The following UBXN11 variants were observed in gnomAD, a reference collection of about 807,000 sequenced individuals.
UBXN11 encodes the protein UBX domain protein 11, also known as UBX domain-containing protein 11.
In UBXN11, 47 loss-of-function variants were observed where a neutral mutation model predicts 62.8. The observed-to-expected ratio is 0.75, with a 90% CI of 0.59 to 0.95. The LOEUF (loss-of-function observed/expected upper bound fraction) is 0.95. Ranked by LOEUF, UBXN11 falls within the 40% of genes least tolerant of loss-of-function variation. UBXN11 has a pLI of 0.00. For missense variants in UBXN11, 638 were observed against 661.7 expected (o/e 0.96, Z 0.39); for synonymous variants, 294 against 267.0 (o/e 1.10, Z -0.99).
rs764029313 is a variant in UBXN11, at chr1:26,282,305, G to T, written c.1557C>A (p.Pro519=). ...PSPCPGPSPS[P]Q ...GGTTGAGGGGGCGGGTGCTTTATTG[G>T]GGGCTGGGACTGGGTCCAGGACAGG... is the stretch of plus-strand genomic sequence containing the variant. Residue 519 remains proline, a synonymous_variant, in exon 15 of 15, where the codon CCC becomes CCA. Transcript: ENST00000374222. 1 of 1,483,356 alleles carries T rather than the reference G, an allele frequency of 6.7e-7. No homozygotes were observed. The highest frequency in any genetic ancestry group is 8.9e-7 in the Non-Finnish European group (1 of 1,118,916). 91.9% of individuals were successfully genotyped at this position (1,483,356 alleles called of 1,614,324 possible).
At chr1:26,310,872 G>A (rs1320594891), upstream of UBXN11, among the ~76,000 whole-genome samples, 1 of 151,488 alleles carries the variant, frequency 6.6e-6, no homozygotes, top group Non-Finnish European at 1.5e-5. Flanking sequence ...AGGTCTCCAG[G>A]CTCACAAGAC....
chr1:26,312,424 G>A (rs2073752538), intron 1 of UBXN11, among the ~76,000 whole-genome samples: 1 of 151,782 alleles, frequency 6.6e-6, no homozygotes, highest in South Asian at 2.1e-4. Context: ...CTAATTTTTT[G>A]TATTTTCAGT....
chr1:26,309,134 G>A (rs986159256), upstream of UBXN11, among the ~76,000 whole-genome samples: 2 of 151,608 alleles, frequency 1.3e-5, no homozygotes, highest in Non-Finnish European at 2.9e-5. Flanking sequence ...GGGGTTTCAC[G>A]ATGTTGGCCA....
In UBXN11 at chr1:26,282,945, G is replaced by A; in HGVS notation, c.1078-8C>T. ...AGGCAATGGGCAGCAGTTCTGGAAG[G>A]TATCAGTGGAGGGTGGACAGAGCCC... is the stretch of plus-strand genomic sequence containing the variant. On this transcript the variant is annotated splice_polypyrimidine_tract_variant and splice_region_variant and intron_variant, in intron 12 of 14. Transcript: ENST00000374222. 1.9e-6 allele frequency: 3 copies of A among 1,614,174 alleles called. No homozygotes were observed. Among genetic ancestry groups the A allele is most frequent in the Non-Finnish European group, 2.5e-6 (3 of 1,180,020 alleles).
intron 9 of UBXN11, 34 bp downstream of exon 9, chr1:26,285,789 A>T: frequency 6.4e-7 from 1 of 1,565,678 alleles, no homozygotes; most frequent in Non-Finnish European, 8.7e-7. Flanking sequence ...CAGCAGGGGC[A>T]CTAGAGCACC....
chr1:26,301,851 AG>A, intron 2 of UBXN11, 129 bp from the exon 3 acceptor site: 4 of 1,265,646 alleles, frequency 3.2e-6, no homozygotes, highest in Non-Finnish European at 4.4e-6. Context: ...CTAACTCCTG[AG>A]GACTTCCAGC....
At chr1:26,313,086 G>A (rs1414654174) in intron 1 of UBXN11, among the ~76,000 whole-genome samples, 1 of 151,484 alleles carries the variant, frequency 6.6e-6, no homozygotes, top group Non-Finnish European at 1.5e-5. Flanking sequence ...CACCTTGGAT[G>A]CTGTATGATG....
At chr1:26,293,319 T>G (rs906443796) in intron 8 of UBXN11, among the ~76,000 whole-genome samples, 1 of 152,176 alleles carries the variant, frequency 6.6e-6, no homozygotes, top group African/African-American at 2.4e-5. Context: ...ACAATCTCCA[T>G]TCTTTGAAGA....
chr1:26,297,603 G>A (rs1570115715), intron 5 of UBXN11, 122 bp from the exon 6 acceptor site: 1 of 1,212,744 alleles, frequency 8.2e-7, no homozygotes, highest in East Asian at 2.6e-5. Flanking sequence ...GCCACCCTTT[G>A]GCACAGCCAC....
intron 1 of UBXN11, chr1:26,317,938 C>A: frequency 7.6e-7 from 1 of 1,307,844 alleles, no homozygotes; most frequent in Non-Finnish European, 1.1e-6. Flanking sequence ...TCAAAAGCAG[C>A]TAAACCAAAA....
chr1:26,286,187 A>C, intron 8 of UBXN11, 150 bp from the exon 9 acceptor site: 1 of 623,186 alleles, frequency 1.6e-6, no homozygotes, highest in Non-Finnish European at 2.6e-6. Flanking sequence ...AGATAATAAC[A>C]GCAGCTGTCT....
Position 26,282,399 on chromosome 1 carries a change from C to A in UBXN11, c.1463G>T (p.Gly488Val). ...ACCGGGACTGGGGCCGGGACCGGGA[C>A]CGGGACAGGGACCAGGACTGAATTT... ...SLKFSPGPCP[G>V]PGPGPSPGPG... Residue 488 changes from glycine to valine, a missense_variant, in exon 15 of 15, where the codon GGT becomes GTT. Physicochemically the swap from Gly to Val is moderately radical, Grantham distance 109. Transcript: ENST00000374222. 1 of 1,262,522 alleles carries A rather than the reference C, an allele frequency of 7.9e-7. No individual in the cohort carries two copies. Among genetic ancestry groups the A allele is most frequent in the Non-Finnish European group, 1.0e-6 (1 of 952,860 alleles). The allele number at this position is 1,262,522 out of a possible 1,614,324, so 78.2% of individuals were successfully genotyped here.
chr1:26,302,964 C>T (rs2073576471), intron 1 of UBXN11, 46 bp from the exon 2 acceptor site: 1 of 1,408,784 alleles, frequency 7.1e-7, no homozygotes, highest in Admixed American at 1.9e-5. Flanking sequence ...ACTCAGGGCT[C>T]CAAGCCCAGG....
At chr1:26,285,662 CAG>C in intron 9 of UBXN11, 121 bp from the exon 10 acceptor site, 1 of 1,362,890 alleles carries the variant, frequency 7.3e-7, no homozygotes, top group Non-Finnish European at 9.9e-7. Context: ...TGGAAACATT[CAG>C]AGTCCCAGGC....
At chr1:26,306,156 C>T (rs1208315375) in intron 1 of UBXN11, 1 of 152,300 alleles carries the variant, frequency 6.6e-6, no homozygotes, top group African/African-American at 2.4e-5. Flanking sequence ...AAGGGCAGGA[C>T]TGTGACTACC....
At chr1:26,286,076 C>T (rs1193328928) in intron 8 of UBXN11, 39 bp from the exon 9 acceptor site, 29 of 1,547,798 alleles carry the variant, frequency 1.9e-5, no homozygotes, top group Admixed American at 3.7e-5. Context: ...CGCCTTTTGG[C>T]TGTCATGTCC....
exon 1 of UBXN11, chr1:26,318,089 C>G (rs777040113): frequency 1.2e-5 from 19 of 1,611,756 alleles, no homozygotes; most frequent in Non-Finnish European, 1.5e-5. Context: ...CAACGCCTGG[C>G]ACCACTGCCA....
chr1:26,299,411 C>T (rs1385193910), intron 4 of UBXN11, among the ~76,000 whole-genome samples: 1 of 150,504 alleles, frequency 6.6e-6, no homozygotes, highest in African/African-American at 2.4e-5. Context: ...ACTTGAGAGG[C>T]TGAAGTGGGA....
At chr1:26,301,192 T>G in intron 3 of UBXN11, 168 bp from the exon 4 acceptor site, 2 of 1,350,962 alleles carry the variant, frequency 1.5e-6, no homozygotes, top group Non-Finnish European at 2.0e-6. Context: ...TGGGGCTGTT[T>G]TGGAGTTCTT....
Sources: allele counts gnomAD v4.1 joint callset (sites outside exome capture counted in the v4.1 genomes callset), GRCh38; gene constraint gnomAD v4.1.1; transcripts MANE v1.5; gene names NCBI Gene and HGNC (gene_info 2026-07-23, HGNC 2026-07-21).